Variants in CHI3L1 observed in about 807,000 individuals in gnomAD.
The protein encoded by CHI3L1 is chitinase 3 like 1.
CHI3L1 carries 30 observed loss-of-function variants against 40.7 expected under a neutral mutation model. The observed-to-expected ratio is 0.74, with a 90% CI of 0.55 to 1.00. CHI3L1 has a LOEUF of 1.00. Among genes scored for constraint, CHI3L1 ranks in the 50% least tolerant of loss-of-function variants. The pLI, the probability that CHI3L1 is intolerant of heterozygous loss-of-function variation, is 0.00. For missense variants in CHI3L1, 493 were observed against 492.2 expected, an observed-to-expected ratio of 1.00 and a Z score of -0.01; for synonymous variants, 210 against 192.1, an observed-to-expected ratio of 1.09 and a Z score of -0.77.
chr1:203,186,341 A>G lies in CHI3L1; in HGVS notation c.30T>C (p.Phe10=). Residue 10 remains phenylalanine (F), a synonymous_variant, in exon 2 of 10, where the codon TTT becomes TTC. Transcript: ENST00000255409. ...AGCACTGGAGCAGCACCAGGACCAC[A>G]AAGCCTGAAGAGAAATCCAGGATGA... MGVKASQTG[F]VVLVLLQCCS... The G allele has an allele frequency of 6.3e-7, 1 of 1,592,314 alleles. No individual in the cohort carries two copies. Among genetic ancestry groups the G allele is most frequent in the South Asian group, 1.1e-5 (1 of 87,598 alleles).
rs911106440 is a variant in CHI3L1 at position 203,179,437 on chromosome 1, A to G, written c.*8T>C. 3 of 1,530,342 alleles carry G rather than the reference A, an allele frequency of 2.0e-6. No homozygotes were observed. Among genetic ancestry groups the G allele is most frequent in the Admixed American group, 2.1e-5 (1 of 48,068 alleles). The allele number at this position is 1,530,342 out of a possible 1,614,324, so 94.8% of individuals were successfully genotyped here. A position where few individuals can be genotyped will look rare whatever the true frequency, so the allele number is the denominator to read the frequency against. On this transcript the variant is annotated 3_prime_UTR_variant, in exon 10 of 10. Transcript: ENST00000255409. ...CCTTGGCCCCCGTGCTGTGTGCAGAACAGAGGGCTACGTTGCAGCGAGTGC... is the reference window on the plus strand; with the variant it reads ...CCTTGGCCCCCGTGCTGTGTGCAGAGCAGAGGGCTACGTTGCAGCGAGTGC...
rs572689736 is a variant in CHI3L1, at chr1:203,179,457, G to C, written c.1140C>G (p.Leu380=). Residue 380 remains leucine, a synonymous_variant, in exon 10 of 10, where the codon CTC becomes CTG. Transcript: ENST00000255409. ...FPLTNAIKDA[L]AAT ...GCAGAACAGAGGGCTACGTTGCAGC[G>C]AGTGCATCCTTGATGGCATTGGTGA... 1 of 1,538,994 alleles carries C rather than the reference G, an allele frequency of 6.5e-7. No homozygotes were observed. The highest frequency in any genetic ancestry group is 8.8e-7 in the Non-Finnish European group (1 of 1,142,068).
intron 2 of CHI3L1, among the ~76,000 whole-genome samples, chr1:203,185,660 G>A (rs1656041421): frequency 6.6e-6 from 1 of 152,222 alleles, no homozygotes. Context: ...GTGGGGGAAG[G>A]GTAGGAGCTG....
intron 6 of CHI3L1, among the ~76,000 whole-genome samples, chr1:203,182,401 G>A (rs1655954700): frequency 1.3e-5 from 2 of 152,220 alleles, no homozygotes; most frequent in Admixed American, 1.3e-4. Context: ...TGCCTGGTGT[G>A]GAGAAAATAC....
intron 6 of CHI3L1, among the ~76,000 whole-genome samples, chr1:203,182,468 T>C (rs1571828013): frequency 6.6e-6 from 1 of 152,194 alleles, no homozygotes; most frequent in Admixed American, 6.5e-5. Context: ...CAAAATACTT[T>C]CATAGCAGCT....
rs796309813 is a variant in CHI3L1 at position 203,180,996 on chromosome 1, C to T, written c.711+166G>A. Among the ~76,000 whole-genome samples the T allele has an allele frequency of 3.9e-4, 59 of 152,332 alleles. 1 individual carries two copies. Among genetic ancestry groups the T allele is most frequent in the African/African-American group, 1.3e-3 (54 of 41,580 alleles). ...CCTGCAGATCACCTTCCCAGAGCAA[C>T]GCAGCATGCCCAGACTTTGGGCCTC... On this transcript the variant is annotated intron_variant, in intron 7 of 9. Coordinates refer to ENST00000255409, the MANE Select transcript of CHI3L1 (RefSeq NM_001276.4).
Position 203,180,500 on chromosome 1 carries a change from G to A in CHI3L1, c.864C>T (p.Thr288=). The A allele has an allele frequency of 6.2e-7, 1 of 1,602,340 alleles. No individual in the cohort carries two copies. The highest frequency in any genetic ancestry group is 8.5e-7 in the Non-Finnish European group (1 of 1,175,842). ...ISGPGIPGRF[T]KEAGTLAYYE... The stretch of plus-strand genomic sequence containing the variant: ...AGTAGGCAAGGGTCCCTGCCTCCTT[G>A]GTGAACCGGCCTGGAATTCCCGGTC... The change falls in exon 8 of 10, where the codon ACC becomes ACT. Residue 288 remains threonine, a synonymous_variant. Coordinates refer to ENST00000255409, the MANE Select transcript of CHI3L1 (RefSeq NM_001276.4).
rs1304745775 is a variant in CHI3L1 at position 203,182,739 on chromosome 1, C to A, written c.579G>T (p.Lys193Asn). Reference sequence around the variant, plus strand: ...TGGGGCAGGAGACTCACTGGGATATCTTGGCAATGTCATAGCTGCTGTCAA... The same window carrying A: ...TGGGGCAGGAGACTCACTGGGATATATTGGCAATGTCATAGCTGCTGTCAA... ...VTIDSSYDIA[K>N]ISQHLDFISI... Residue 193 changes from lysine to asparagine, a missense_variant, in exon 6 of 10, where the codon AAG becomes AAT. Physicochemically the swap from Lys to Asn is moderately conservative, Grantham distance 94. Coordinates refer to ENST00000255409, the MANE Select transcript of CHI3L1 (RefSeq NM_001276.4). 19 of 1,613,930 alleles carry A rather than the reference C, an allele frequency of 1.2e-5. No homozygotes were observed. The highest frequency in any genetic ancestry group is 1.6e-5 in the Non-Finnish European group (19 of 1,180,016).
In CHI3L1 at chr1:203,180,611, G is replaced by A. The variant is rs753309927; in HGVS notation, c.753C>T (p.Ala251=). ...VGYMLRLGAP[A]SKLVMGIPTF... ...TGGGGATGCCCATCACCAGCTTACT[G>A]GCAGGAGCCCCCAGCCTCAACATGT... Residue 251 remains alanine (A), a synonymous_variant, in exon 8 of 10, where the codon GCC becomes GCT. Coordinates refer to ENST00000255409, the MANE Select transcript of CHI3L1 (RefSeq NM_001276.4). 2.5e-6 allele frequency: 4 copies of A among 1,612,828 alleles called. No individual in the cohort carries two copies. In the South Asian group the frequency reaches 3.3e-5, roughly 13 times the overall value.
In CHI3L1 at chr1:203,180,547, C is replaced by A. The variant is rs200476432; in HGVS notation, c.817G>T (p.Gly273Cys). 1.2e-6 allele frequency: 2 copies of A among 1,611,470 alleles called. No individual in the cohort carries two copies. Among genetic ancestry groups the A allele is most frequent in the Non-Finnish European group, 1.7e-6 (2 of 1,179,164 alleles). ...RSFTLASSET[G>C]VGAPISGPGI... The stretch of plus-strand genomic sequence containing the variant: ...GGTCCTGAGATTGGGGCTCCAACAC[C>A]AGTCTCAGAAGAAGCCAGAGTGAAG... The change falls in exon 8 of 10, where the codon GGT (glycine) becomes TGT (cysteine). Residue 273 changes from glycine to cysteine, a missense_variant. Physicochemically the swap from Gly to Cys is radical, Grantham distance 159. Transcript: ENST00000255409.
rs376843376 is a variant in CHI3L1, at chr1:203,182,800, A to G, written c.518T>C (p.Leu173Pro). The G allele has an allele frequency of 3.1e-6, 5 of 1,614,060 alleles. No homozygotes were observed. In the African/African-American group the frequency reaches 4.0e-5, roughly 13 times the overall value. Reference sequence around the variant, plus strand: ...CCCCGCAGACAGTGCTGCGCTGAGCAGGAGCTGCTTTTTCCCTGGCTGGGC... The same window carrying G: ...CCCCGCAGACAGTGCTGCGCTGAGCGGGAGCTGCTTTTTCCCTGGCTGGGC... ...KEAQPGKKQL[L>P]LSAALSAGKV... Residue 173 changes from leucine (L) to proline (P), a missense_variant, in exon 6 of 10, where the codon CTG becomes CCG. By Grantham distance (98) the Leu-to-Pro change is moderately conservative. Transcript: ENST00000255409.
At chr1:203,184,424 A>C in intron 4 of CHI3L1, 152 bp downstream of exon 4, 1 of 644,812 alleles carries the variant, frequency 1.6e-6, no homozygotes, top group Non-Finnish European at 2.8e-6. Context: ...TTTCTTTGCT[A>C]CACATCAGGC....
At chr1:203,180,025 A>G (rs1323260569) in intron 8 of CHI3L1, 148 bp from the exon 9 acceptor site, 2 of 685,006 alleles carry the variant, frequency 2.9e-6, no homozygotes, top group African/African-American at 1.8e-5. Context: ...CATGCATCAC[A>G]CAAGTTTATA....
rs111396343 is a variant in CHI3L1, at chr1:203,183,783, T to G, written c.323A>C (p.Lys108Thr). The G allele has an allele frequency of 1.3e-4, 205 of 1,614,182 alleles. 2 individuals carry two copies. The African/African-American group carries it at 2.3e-3, about 18-fold the overall frequency. Reference sequence around the variant, plus strand: ...GCGACTCTGGGTGTTGGAGGCTATCTTGGAAAATCTAGGACCAAAATCAGC... The same window carrying G: ...GCGACTCTGGGTGTTGGAGGCTATCGTGGAAAATCTAGGACCAAAATCAGC... ...GWNFGSQRFS[K>T]IASNTQSRRT... The change falls in exon 5 of 10, where the codon AAG (lysine) becomes ACG (threonine). Residue 108 changes from lysine to threonine, a missense_variant. Transcript: ENST00000255409.
chr1:203,183,744 TTGA>T lies in CHI3L1; in HGVS notation c.359_361del (p.Ile120del), dbSNP rs752789031. 2.2e-5 allele frequency: 35 copies of T among 1,614,042 alleles called. No homozygotes were observed. Among genetic ancestry groups the T allele is most frequent in the Non-Finnish European group, 2.8e-5 (33 of 1,180,028 alleles). On this transcript the variant is annotated inframe_deletion, in exon 5 of 10. Coordinates refer to ENST00000255409, the MANE Select transcript of CHI3L1 (RefSeq NM_001276.4). The stretch of plus-strand genomic sequence containing the variant: ...GGTGCGCAGAAATGGCGGTACTGAC[TTGA>T]TGAAAGTCCGGCGACTCTGGGTGTT...
chr1:203,184,536 A>G, intron 4 of CHI3L1, 40 bp downstream of exon 4: 1 of 1,559,174 alleles, frequency 6.4e-7, no homozygotes, highest in Non-Finnish European at 8.9e-7. Flanking sequence ...CTCCTATGCC[A>G]TCATCCTCTG....
At chr1:203,184,439 C>G in intron 4 of CHI3L1, 137 bp downstream of exon 4, 1 of 685,180 alleles carries the variant, frequency 1.5e-6, no homozygotes, top group Non-Finnish European at 2.6e-6. Context: ...TCAGGCAGGC[C>G]CTTGACAAAC....
At chr1:203,183,111 C>T (rs994787551) in intron 5 of CHI3L1, among the ~76,000 whole-genome samples, 4 of 152,198 alleles carry the variant, frequency 2.6e-5, no homozygotes, top group East Asian at 1.9e-4. Context: ...GAGGGAGCAT[C>T]GGACAGTGGG....
rs767921141 is a variant in CHI3L1 at position 203,180,591 on chromosome 1, A to T, written c.773T>A (p.Ile258Asn). ...AGTGAAGCTCCTCCCGAAGGTGGGG[A>T]TGCCCATCACCAGCTTACTGGCAGG... is the stretch of plus-strand genomic sequence containing the variant. ...GAPASKLVMG[I>N]PTFGRSFTLA... Residue 258 changes from isoleucine to asparagine, a missense_variant, in exon 8 of 10, where the codon ATC becomes AAC. Ile to Asn is a moderately radical substitution (Grantham distance 149, BLOSUM62 -3). Coordinates refer to ENST00000255409, the MANE Select transcript of CHI3L1 (RefSeq NM_001276.4). The T allele has an allele frequency of 6.9e-7, 1 of 1,446,158 alleles. No individual in the cohort carries two copies. The highest frequency in any genetic ancestry group is 3.3e-5 in the East Asian group (1 of 29,990). The allele number at this position is 1,446,158 out of a possible 1,614,324, so 89.6% of individuals were successfully genotyped here. A position where few individuals can be genotyped will look rare whatever the true frequency, so the allele number is the denominator to read the frequency against.
Sources: allele counts gnomAD v4.1 joint callset (sites outside exome capture counted in the v4.1 genomes callset), GRCh38; gene constraint gnomAD v4.1.1; transcripts MANE v1.5; gene names NCBI Gene and HGNC (gene_info 2026-07-23, HGNC 2026-07-21).